Variants in RALGAPA2 observed in about 807,000 individuals in gnomAD.
RALGAPA2 encodes the protein ral GTPase-activating protein subunit alpha-2.
RALGAPA2 carries 139 observed loss-of-function variants against 230.4 expected under a neutral mutation model. That is an observed-to-expected ratio of 0.60 (90% CI 0.53 to 0.69). The LOEUF is 0.69. Ranked by LOEUF, RALGAPA2 falls within the 30% of genes least tolerant of loss-of-function variation. The probability of loss-of-function intolerance (pLI) is 0.00; values close to 1 mark genes in which losing one functional copy is unlikely to be tolerated. For synonymous variants in RALGAPA2, 847 were observed against 837.8 expected (o/e 1.01, Z -0.19); for missense variants, 2,163 against 2,276.0 (o/e 0.95, Z 1.01).
rs117293218 is a variant in RALGAPA2 at position 20,433,076 on chromosome 20, T to A, written c.5496-20928A>T. 4.1e-4 allele frequency among the ~76,000 whole-genome samples: 62 copies of A among 152,358 alleles called. No homozygotes were observed. The East Asian group carries it at 0.012, about 28-fold the overall frequency. ...TGGCAAGCCATTGGGTCATTTCATG[T>A]GATGCCAACAAACATCTAGTAACAC... On this transcript the variant is annotated intron_variant, in intron 37 of 39. Transcript: ENST00000202677.
At chr20:20,558,858 C>G (rs575145323) in intron 23 of RALGAPA2, among the ~76,000 whole-genome samples, 1 of 150,354 alleles carries the variant, frequency 6.7e-6, no homozygotes, top group South Asian at 2.1e-4. Flanking sequence ...CACAGACTAG[C>G]GTGCCCCATG....
intron 23 of RALGAPA2, among the ~76,000 whole-genome samples, chr20:20,553,112 G>C (rs531241195): frequency 6.6e-6 from 1 of 152,238 alleles, no homozygotes; most frequent in Admixed American, 6.5e-5. Context: ...GTGTTAAAAT[G>C]GTTAACTTGG....
At chr20:20,614,164 A>G (rs1366437695) in intron 13 of RALGAPA2, among the ~76,000 whole-genome samples, 1 of 152,204 alleles carries the variant, frequency 6.6e-6, no homozygotes, top group East Asian at 1.9e-4. Flanking sequence ...AAGAAAATCC[A>G]TTACAGAAAC....
At chr20:20,568,775 G>C (rs550895239) in intron 23 of RALGAPA2, among the ~76,000 whole-genome samples, 1 of 152,274 alleles carries the variant, frequency 6.6e-6, no homozygotes, top group African/African-American at 2.4e-5. Flanking sequence ...AAGCTGCGTC[G>C]TGCAGACAAG....
chr20:20,598,717 GGTAA>G (rs2065540134), intron 16 of RALGAPA2: 1 of 456,318 alleles, frequency 2.2e-6, no homozygotes, highest in Non-Finnish European at 4.4e-6. Flanking sequence ...AGAGAGACCA[GGTAA>G]GAGAGCGCTC....
At position 20,697,339 on chromosome 20, in the gene RALGAPA2, T is replaced by A. The variant is rs564558457; in HGVS notation, c.106+15036A>T. Reference sequence around the variant, plus strand: ...AGTGAGACCTCCATCTCAAAAAAAATTTTTTAATTAAAAAAATAGAAAAAT... The same window carrying A: ...AGTGAGACCTCCATCTCAAAAAAAAATTTTTAATTAAAAAAATAGAAAAAT... On this transcript the variant is annotated intron_variant, in intron 1 of 39. Coordinates refer to ENST00000202677, the MANE Select transcript of RALGAPA2 (RefSeq NM_020343.4). Among the ~76,000 whole-genome samples, 163 of 152,182 alleles carry A rather than the reference T, an allele frequency of 1.1e-3. 1 individual carries two copies. Among genetic ancestry groups the A allele is most frequent in the African/African-American group, 3.7e-3 (154 of 41,522 alleles).
rs550829063 is a variant in RALGAPA2, at chr20:20,475,889, T to C, written c.5368-2933A>G. Reference sequence around the variant, plus strand: ...ATTTAACTAGAATTAGTGAGTGAATTTTGATAAGCCTCAGAAAACAATATA... The same window carrying C: ...ATTTAACTAGAATTAGTGAGTGAATCTTGATAAGCCTCAGAAAACAATATA... On this transcript the variant is annotated intron_variant, in intron 36 of 39. Transcript: ENST00000202677. Among the ~76,000 whole-genome samples the C allele has an allele frequency of 6.6e-5, 10 of 152,304 alleles. No individual in the cohort carries two copies. In the South Asian group the frequency reaches 1.7e-3, roughly 25 times the overall value.
rs372313682 is a variant in RALGAPA2 at position 20,627,502 on chromosome 20, T to A, written c.1233+1861A>T. Reference sequence around the variant, plus strand: ...CATTGTTCAGTGACAATGTAGACACTGAGAGTCTACACCTGGTTTACCCAG... The same window carrying A: ...CATTGTTCAGTGACAATGTAGACACAGAGAGTCTACACCTGGTTTACCCAG... On this transcript the variant is annotated intron_variant, in intron 10 of 39. Coordinates refer to ENST00000202677, the MANE Select transcript of RALGAPA2 (RefSeq NM_020343.4). Among the ~76,000 whole-genome samples the A allele has an allele frequency of 2.0e-5, 3 of 152,036 alleles. No individual in the cohort carries two copies. In the South Asian group the frequency reaches 6.2e-4, roughly 31 times the overall value.
intron 4 of RALGAPA2, among the ~76,000 whole-genome samples, chr20:20,653,302 A>C (rs2067474701): frequency 6.6e-6 from 1 of 150,442 alleles, no homozygotes; most frequent in Non-Finnish European, 1.5e-5. Flanking sequence ...GGTGAGGCTT[A>C]TGCTGCTGGC....
At chr20:20,562,570 G>GA (rs1456580823) in intron 23 of RALGAPA2, among the ~76,000 whole-genome samples, 2 of 152,146 alleles carry the variant, frequency 1.3e-5, no homozygotes, top group Non-Finnish European at 2.9e-5. Context: ...TTACTTGAAA[G>GA]AAAGTCTTTA....
At chr20:20,584,991 A>C (rs761813314) in intron 18 of RALGAPA2, 36 bp from the exon 19 acceptor site, 2 of 1,492,888 alleles carry the variant, frequency 1.3e-6, no homozygotes, top group African/African-American at 2.8e-5. Context: ...TTACTACAGG[A>C]AAGTTTTCAT....
At chr20:20,650,148 G>T (rs1462318855) in intron 4 of RALGAPA2, among the ~76,000 whole-genome samples, 2 of 152,078 alleles carry the variant, frequency 1.3e-5, no homozygotes, top group Non-Finnish European at 2.9e-5. Context: ...ATTTCACATT[G>T]CAAAACTTAC....
chr20:20,557,114 A>T (rs1173788710), intron 23 of RALGAPA2, among the ~76,000 whole-genome samples: 6 of 152,172 alleles, frequency 3.9e-5, no homozygotes, highest in African/African-American at 1.4e-4. Context: ...GTTCAAGACC[A>T]GCCTGGCCAA....
chr20:20,544,778 C>G (rs1388938912), intron 24 of RALGAPA2, among the ~76,000 whole-genome samples: 2 of 151,966 alleles, frequency 1.3e-5, no homozygotes, highest in Non-Finnish European at 2.9e-5. Context: ...AAACAGAAAA[C>G]CAAACACTGC....
chr20:20,481,581 A>G (rs1373739232), intron 36 of RALGAPA2, among the ~76,000 whole-genome samples: 1 of 152,234 alleles, frequency 6.6e-6, no homozygotes, highest in Non-Finnish European at 1.5e-5. Flanking sequence ...CACTGCCTTT[A>G]TCATGCAAGA....
chr20:20,524,358 G>A, intron 30 of RALGAPA2, 48 bp downstream of exon 30: 15 of 1,607,686 alleles, frequency 9.3e-6, no homozygotes, highest in African/African-American at 1.3e-5. Flanking sequence ...GTGGTTCTCT[G>A]TCATATAAAC....
intron 6 of RALGAPA2, among the ~76,000 whole-genome samples, 185 bp from the exon 7 acceptor site, chr20:20,640,085 C>A (rs778533364): frequency 1.3e-5 from 2 of 152,318 alleles, no homozygotes; most frequent in Non-Finnish European, 2.9e-5. Flanking sequence ...GCCCACGAAG[C>A]GCCTTCTCCT....
At chr20:20,486,039 C>T (rs1187775518) in intron 36 of RALGAPA2, among the ~76,000 whole-genome samples, 5 of 151,914 alleles carry the variant, frequency 3.3e-5, no homozygotes, top group South Asian at 4.2e-4. Context: ...TCCAGGAAGC[C>T]GAGGTAGGAG....
At chr20:20,611,640 T>C (rs539546925) in intron 13 of RALGAPA2, among the ~76,000 whole-genome samples, 2 of 152,330 alleles carry the variant, frequency 1.3e-5, no homozygotes, top group East Asian at 3.9e-4. Context: ...ATGCCTCCCA[T>C]GTCCACACAA....
Sources: allele counts gnomAD v4.1 joint callset (sites outside exome capture counted in the v4.1 genomes callset), GRCh38; gene constraint gnomAD v4.1.1; transcripts MANE v1.5; gene names NCBI Gene and HGNC (gene_info 2026-07-23, HGNC 2026-07-21).